SAMMSON: variants seen among roughly 807,000 people sequenced by gnomAD.
SAMMSON encodes long intergenic non-protein coding RNA 1212.
In SAMMSON at chr3:70,100,485, T is replaced by G. The variant is rs1389110049; in HGVS notation, n.507+28920T>G. ...TCAAACCAGCAGCATTTTTATCCAG[T>G]TTTCAAAGGCAGTTATCCACTTGAA... On this transcript the variant is annotated intron_variant and non_coding_transcript_variant, in intron 4 of 9. Transcript: ENST00000642114. 7.6e-5 allele frequency among the ~76,000 whole-genome samples: 11 copies of G among 144,920 alleles called. 2 individuals carry two copies. The South Asian group carries it at 1.9e-3, about 25-fold the overall frequency.
intron 7 of SAMMSON, among the ~76,000 whole-genome samples, chr3:70,337,772 A>G (rs1702676990): frequency 6.6e-6 from 1 of 151,976 alleles, no homozygotes; most frequent in Non-Finnish European, 1.5e-5. Flanking sequence ...GAAAATTTAC[A>G]TAAAATTAAA....
chr3:70,232,739 T>C (rs909970135), intron 4 of SAMMSON, among the ~76,000 whole-genome samples: 2 of 152,178 alleles, frequency 1.3e-5, no homozygotes, highest in Non-Finnish European at 2.9e-5. Context: ...TAAATACGTA[T>C]TGTTTTTACC....
chr3:70,255,437 T>C (rs1049482975), intron 6 of SAMMSON, among the ~76,000 whole-genome samples: 3 of 152,144 alleles, frequency 2.0e-5, no homozygotes, highest in Admixed American at 6.5e-5. Flanking sequence ...TTTTTTTTCT[T>C]CTTTATTTTA....
intron 4 of SAMMSON, among the ~76,000 whole-genome samples, chr3:70,187,695 C>T (rs913075459): frequency 6.6e-6 from 1 of 151,930 alleles, no homozygotes; most frequent in Non-Finnish European, 1.5e-5. Context: ...CTCGGCCTCC[C>T]AAAGTGCTGG....
chr3:70,054,784 G>A (rs1475894862), intron 3 of SAMMSON, among the ~76,000 whole-genome samples: 2 of 152,150 alleles, frequency 1.3e-5, no homozygotes, highest in Admixed American at 6.6e-5. Flanking sequence ...GAAAAAGTTC[G>A]GGACTAATCT....
At chr3:70,432,030 G>A (rs1320586710) in intron 2 of SAMMSON, among the ~76,000 whole-genome samples, 1 of 151,976 alleles carries the variant, frequency 6.6e-6, no homozygotes, top group East Asian at 1.9e-4. Flanking sequence ...CTATAAAGAT[G>A]TACATGTAGG....
At chr3:70,317,166 A>C (rs1026770098) in intron 7 of SAMMSON, among the ~76,000 whole-genome samples, 1 of 152,014 alleles carries the variant, frequency 6.6e-6, no homozygotes, top group Non-Finnish European at 1.5e-5. Flanking sequence ...TCACATCTAC[A>C]CATGTTATAA....
chr3:70,238,223 A>G (rs888884807), intron 4 of SAMMSON, among the ~76,000 whole-genome samples: 2 of 151,808 alleles, frequency 1.3e-5, no homozygotes, highest in African/African-American at 4.8e-5. Context: ...TGAAATTAGC[A>G]TACTGGGAGT....
intron 6 of SAMMSON, among the ~76,000 whole-genome samples, chr3:70,285,908 TG>T (rs1387623594): frequency 6.6e-6 from 1 of 151,646 alleles, no homozygotes; most frequent in African/African-American, 2.4e-5. Flanking sequence ...TGGGGTTGTT[TG>T]TTTTTTTCTT....
At chr3:70,265,800 T>A (rs1331509326) in intron 6 of SAMMSON, among the ~76,000 whole-genome samples, 1 of 152,170 alleles carries the variant, frequency 6.6e-6, no homozygotes, top group Non-Finnish European at 1.5e-5. Context: ...GGGAGGCACC[T>A]CTTCACAGGG....
intron 9 of SAMMSON, among the ~76,000 whole-genome samples, chr3:70,367,736 A>G (rs1314847151): frequency 2.0e-5 from 3 of 151,624 alleles, no homozygotes; most frequent in African/African-American, 7.2e-5. Context: ...TTTTGGATAT[A>G]TACCTTGTAG....
At chr3:70,073,791 G>A (rs1211216350) in intron 4 of SAMMSON, among the ~76,000 whole-genome samples, 1 of 152,052 alleles carries the variant, frequency 6.6e-6, no homozygotes, top group African/African-American at 2.4e-5. Context: ...TACAGCCATA[G>A]ACTTGGAAGG....
At chr3:70,229,297 C>A (rs930849285) in intron 4 of SAMMSON, among the ~76,000 whole-genome samples, 2 of 152,160 alleles carry the variant, frequency 1.3e-5, no homozygotes, top group African/African-American at 4.8e-5. Context: ...GCAACCATGT[C>A]AGTGCCTATA....
intron 2 of SAMMSON, among the ~76,000 whole-genome samples, chr3:70,428,563 G>A (rs1701389907): frequency 6.6e-6 from 1 of 152,178 alleles, no homozygotes; most frequent in African/African-American, 2.4e-5. Context: ...TAATGCTAAT[G>A]CGAGTGTTGT....
At chr3:70,180,615 G>A (rs767888501) in intron 4 of SAMMSON, among the ~76,000 whole-genome samples, 4 of 152,108 alleles carry the variant, frequency 2.6e-5, no homozygotes, top group Non-Finnish European at 4.4e-5. Context: ...GCCCAATCAA[G>A]CAAATGTTCA....
intron 2 of SAMMSON, among the ~76,000 whole-genome samples, chr3:70,398,057 A>T (rs890514642): frequency 6.6e-6 from 1 of 152,236 alleles, no homozygotes; most frequent in Non-Finnish European, 1.5e-5. Context: ...CACAGTGGCC[A>T]GTGTCTAGAA....
At chr3:70,283,273 G>A (rs182651416) in intron 6 of SAMMSON, among the ~76,000 whole-genome samples, 45 of 152,098 alleles carry the variant, frequency 3.0e-4, no homozygotes, top group South Asian at 6.2e-4. Context: ...TCCTCTGATT[G>A]ATTGCTTTTT....
chr3:70,167,231 A>G (rs2067640901), intron 4 of SAMMSON, among the ~76,000 whole-genome samples: 1 of 152,016 alleles, frequency 6.6e-6, no homozygotes, highest in East Asian at 1.9e-4. Flanking sequence ...GAAGTTCTAT[A>G]TCCTTGCATA....
In SAMMSON at chr3:70,002,694, T is replaced by G. The variant is rs141974476; in HGVS notation, n.22+2827T>G. 2.1e-3 allele frequency among the ~76,000 whole-genome samples: 322 copies of G among 152,334 alleles called. 2 individuals carry two copies. The highest frequency in any genetic ancestry group is 7.5e-3 in the African/African-American group (311 of 41,586). ...TTTTCTACTTTTTTTTGTTTTTGAT[T>G]ACTAATTTAGTTGCTAGAGGTCAGA... On this transcript the variant is annotated intron_variant and non_coding_transcript_variant, in intron 1 of 9. Coordinates refer to ENST00000642114, the Ensembl canonical transcript of SAMMSON.
Sources: allele counts gnomAD v4.1 joint callset (sites outside exome capture counted in the v4.1 genomes callset), GRCh38; gene constraint gnomAD v4.1.1; transcripts MANE v1.5; gene names NCBI Gene and HGNC (gene_info 2026-07-23, HGNC 2026-07-21).